Variants in ZNF280D observed in about 807,000 individuals in gnomAD.
ZNF280D encodes the protein suppressor of hairy wing homolog 4.
In ZNF280D, 39 loss-of-function variants were observed where a neutral mutation model predicts 94.7. The observed-to-expected ratio is 0.41, with a 90% CI of 0.32 to 0.54. ZNF280D has a LOEUF of 0.54. Ranked by LOEUF, ZNF280D falls within the 20% of genes least tolerant of loss-of-function variation. The pLI is 0.22. For synonymous variants in ZNF280D, 398 were observed against 377.6 expected, an observed-to-expected ratio of 1.05 and a Z score of -0.63; for missense variants, 1,090 against 1,149.3, an observed-to-expected ratio of 0.95 and a Z score of 0.75.
chr15:56,634,280 T>C lies in ZNF280D; in HGVS notation c.2315+915A>G, dbSNP rs560286886. ...TGGATCTTAACTGGTCAATTACATA[T>C]GGAAAAAATTATTTTTTCCTCATTT... On this transcript the variant is annotated intron_variant, in intron 21 of 21. Transcript: ENST00000267807. The C allele has an allele frequency of 1.4e-3, 19 of 13,580 alleles. 1 individual carries two copies. The Admixed American group carries it at 0.022, about 16-fold the overall frequency. 0.8% of individuals were successfully genotyped at this position (13,580 alleles called of 1,614,324 possible).
intron 13 of ZNF280D, among the ~76,000 whole-genome samples, chr15:56,669,870 ATT>A (rs34290633): frequency 0.17 from 1,882 of 11,144 alleles, 369 homozygotes; most frequent in Admixed American, 0.22. Flanking sequence ...ATATATATAT[ATT>A]TTATATATAT....
chr15:56,668,762 C>A, intron 14 of ZNF280D, 61 bp downstream of exon 14: 1 of 1,411,692 alleles, frequency 7.1e-7, no homozygotes, highest in Non-Finnish European at 9.5e-7. Flanking sequence ...TATATAAAGC[C>A]GGGCAGGAGT....
At chr15:56,642,896 C>T in intron 20 of ZNF280D, 56 bp downstream of exon 20, 3 of 1,273,244 alleles carry the variant, frequency 2.4e-6, no homozygotes, top group Non-Finnish European at 3.1e-6. Flanking sequence ...TTATATCATA[C>T]CAATAATACT....
At chr15:56,646,003 A>G (rs1268278135) in intron 19 of ZNF280D, among the ~76,000 whole-genome samples, 1 of 152,200 alleles carries the variant, frequency 6.6e-6, no homozygotes. Context: ...CTTTCTGATG[A>G]CATTTAAAAG....
At chr15:56,642,875 G>GA (rs1188957980) in intron 20 of ZNF280D, 77 bp downstream of exon 20, 29 of 1,123,786 alleles carry the variant, frequency 2.6e-5, no homozygotes, top group South Asian at 6.5e-5. Flanking sequence ...TGCTGAAATT[G>GA]AAAAAAAATT....
chr15:56,719,488 C>G (rs548950449), intron 1 of ZNF280D, among the ~76,000 whole-genome samples: 1 of 152,286 alleles, frequency 6.6e-6, no homozygotes, highest in South Asian at 2.1e-4. Context: ...AGAAGCCAAG[C>G]AGATGCTGGT....
intron 20 of ZNF280D, among the ~76,000 whole-genome samples, chr15:56,639,973 T>TA (rs1176681905): frequency 1.3e-5 from 2 of 152,072 alleles, no homozygotes; most frequent in Non-Finnish European, 2.9e-5. Context: ...ATTTTTTTTT[T>TA]ATGTGTGTGA....
At chr15:56,690,055 A>C (rs996578264) in intron 7 of ZNF280D, among the ~76,000 whole-genome samples, 4 of 152,198 alleles carry the variant, frequency 2.6e-5, no homozygotes, top group Non-Finnish European at 1.5e-5. Flanking sequence ...GGAAATAACT[A>C]ATCTTGAATG....
intron 13 of ZNF280D, among the ~76,000 whole-genome samples, chr15:56,670,202 T>C (rs1486687055): frequency 6.8e-6 from 1 of 147,512 alleles, no homozygotes; most frequent in East Asian, 2.0e-4. Flanking sequence ...TATTTATTTA[T>C]TTATTAACTT....
At chr15:56,695,821 C>T (rs2141133412) in intron 6 of ZNF280D, among the ~76,000 whole-genome samples, 1 of 152,152 alleles carries the variant, frequency 6.6e-6, no homozygotes, top group Non-Finnish European at 1.5e-5. Flanking sequence ...AGGCACTGCA[C>T]CCGGCCAAAT....
At chr15:56,658,357 G>T in intron 17 of ZNF280D, 67 bp downstream of exon 17, 3 of 1,144,476 alleles carry the variant, frequency 2.6e-6, no homozygotes, top group Non-Finnish European at 3.8e-6. Context: ...TAAAGCTGTT[G>T]TGTTAAAAAA....
chr15:56,731,447 C>T (rs2058880740), intron 1 of ZNF280D, among the ~76,000 whole-genome samples: 1 of 138,170 alleles, frequency 7.2e-6, no homozygotes, highest in Non-Finnish European at 1.5e-5. Context: ...GTCAAGGATG[C>T]AGCGAGCCAA....
intron 10 of ZNF280D, among the ~76,000 whole-genome samples, chr15:56,681,065 A>AG (rs1298745388): frequency 3.9e-5 from 6 of 152,188 alleles, no homozygotes; most frequent in African/African-American, 1.2e-4. Flanking sequence ...GTTTGATAAG[A>AG]GGAGGTAAAG....
chr15:56,700,876 T>C, intron 6 of ZNF280D, 57 bp downstream of exon 6: 1 of 1,613,268 alleles, frequency 6.2e-7, no homozygotes, highest in Non-Finnish European at 8.5e-7. Flanking sequence ...CTGTTGATAT[T>C]GATAAACAAC....
chr15:56,707,089 T>A lies in ZNF280D; in HGVS notation c.21A>T (p.Gln7His). The A allele has an allele frequency of 1.2e-6, 2 of 1,613,966 alleles. No individual in the cohort carries two copies. Among genetic ancestry groups the A allele is most frequent in the Non-Finnish European group, 1.7e-6 (2 of 1,179,924 alleles). Residue 7 changes from glutamine (Q) to histidine (H), a missense_variant, in exon 3 of 22, where the codon CAA (glutamine) becomes CAT (histidine). Gln to His is a conservative substitution (Grantham distance 24). Coordinates refer to ENST00000267807, the MANE Select transcript of ZNF280D (RefSeq NM_017661.4). MGDNPFQPKSNSKMAEL... is the reference protein window; with the variant it reads MGDNPFHPKSNSKMAEL... Reference sequence around the variant, plus strand: ...TGTGGCAGCAACACTTACTTTTTGGTTGAAAAGGGTTGTCGCCCATCAAGC... The same window carrying A: ...TGTGGCAGCAACACTTACTTTTTGGATGAAAAGGGTTGTCGCCCATCAAGC...
chr15:56,716,162 C>T (rs1412240642), intron 1 of ZNF280D, among the ~76,000 whole-genome samples: 1 of 151,886 alleles, frequency 6.6e-6, no homozygotes, highest in Admixed American at 6.6e-5. Context: ...TACTGTGTGT[C>T]GGGTAGGAAT....
At chr15:56,641,963 TATA>T (rs1388613285) in intron 20 of ZNF280D, among the ~76,000 whole-genome samples, 10 of 151,636 alleles carry the variant, frequency 6.6e-5, no homozygotes, top group Non-Finnish European at 8.9e-5. Flanking sequence ...AATTAAAATA[TATA>T]ATAAGAATAG....
chr15:56,663,043 A>T (rs2054054373), intron 16 of ZNF280D, among the ~76,000 whole-genome samples: 1 of 151,550 alleles, frequency 6.6e-6, no homozygotes, highest in Admixed American at 6.6e-5. Flanking sequence ...TTGCACTTTA[A>T]GAGGCTAGAG....
intron 16 of ZNF280D, among the ~76,000 whole-genome samples, chr15:56,666,046 G>A (rs2054266607): frequency 6.6e-6 from 1 of 151,910 alleles, no homozygotes; most frequent in Admixed American, 6.6e-5. Flanking sequence ...GAAGGCAGGG[G>A]AATTGCTTGA....
Sources: allele counts gnomAD v4.1 joint callset (sites outside exome capture counted in the v4.1 genomes callset), GRCh38; gene constraint gnomAD v4.1.1; transcripts MANE v1.5; gene names NCBI Gene and HGNC (gene_info 2026-07-23, HGNC 2026-07-21).